PXDNL: variants seen among roughly 807,000 people sequenced by gnomAD.
PXDNL encodes the protein peroxidasin like.
Under a neutral mutation model 150.8 loss-of-function variants are expected in PXDNL, and 145 were observed. That is an observed-to-expected ratio of 0.96 (90% CI 0.84 to 1.10). The LOEUF is 1.10. Ranked by LOEUF, PXDNL falls within the 50% of genes least tolerant of loss-of-function variation. The pLI is 0.00. For missense variants in PXDNL, 2,087 were observed against 1,873.9 expected (o/e 1.11, Z -2.10); for synonymous variants, 757 against 725.7 (o/e 1.04, Z -0.69).
chr8:51,561,110 G>A (rs1812706943), intron 3 of PXDNL, among the ~76,000 whole-genome samples: 1 of 151,836 alleles, frequency 6.6e-6, no homozygotes. Flanking sequence ...GACAAAATAA[G>A]CATTTGTGAG....
chr8:51,338,021 A>T (rs1250585119), intron 21 of PXDNL, among the ~76,000 whole-genome samples: 1 of 151,894 alleles, frequency 6.6e-6, no homozygotes, highest in Non-Finnish European at 1.5e-5. Flanking sequence ...TCTACTAAAA[A>T]TACAAAAATT....
At chr8:51,798,517 G>A (rs980641986) in intron 1 of PXDNL, among the ~76,000 whole-genome samples, 12 of 152,118 alleles carry the variant, frequency 7.9e-5, no homozygotes, top group African/African-American at 2.7e-4. Context: ...ATTAAAACCT[G>A]GGCAAAGGAC....
chr8:51,499,830 G>A (rs2130288152), intron 4 of PXDNL, 60 bp from the exon 5 acceptor site: 7 of 1,129,238 alleles, frequency 6.2e-6, no homozygotes, highest in South Asian at 1.3e-5. Context: ...TAAAATGTTT[G>A]AAGAATTAGC....
At chr8:51,386,824 G>GAA (rs561391223) in intron 17 of PXDNL, among the ~76,000 whole-genome samples, 4 of 134,366 alleles carry the variant, frequency 3.0e-5, no homozygotes, top group African/African-American at 8.1e-5. Flanking sequence ...ACTTCATCTT[G>GAA]AAAAAAAAAA....
intron 1 of PXDNL, among the ~76,000 whole-genome samples, chr8:51,788,657 A>G (rs1385822215): frequency 1.3e-5 from 2 of 152,206 alleles, no homozygotes; most frequent in African/African-American, 2.4e-5. Context: ...ATAGGGAGTT[A>G]GTCGAACCAG....
At chr8:51,587,452 C>G (rs1473726738) in intron 3 of PXDNL, among the ~76,000 whole-genome samples, 2 of 152,070 alleles carry the variant, frequency 1.3e-5, no homozygotes, top group Non-Finnish European at 2.9e-5. Context: ...CCAAGGGGAT[C>G]AGAGATACAT....
At chr8:51,467,907 TC>T (rs1254672423) in intron 8 of PXDNL, among the ~76,000 whole-genome samples, 1 of 152,094 alleles carries the variant, frequency 6.6e-6, no homozygotes, top group African/African-American at 2.4e-5. Context: ...ATTCAATTAT[TC>T]TAAAACTACT....
At chr8:51,540,216 C>A (rs938772863) in intron 4 of PXDNL, among the ~76,000 whole-genome samples, 4 of 152,044 alleles carry the variant, frequency 2.6e-5, no homozygotes, top group African/African-American at 9.7e-5. Context: ...TCTCTGGTTT[C>A]TCTCTCTATG....
chr8:51,691,008 G>T (rs1815985019), intron 1 of PXDNL, among the ~76,000 whole-genome samples: 1 of 152,122 alleles, frequency 6.6e-6, no homozygotes, highest in South Asian at 2.1e-4. Context: ...CCCACTTTTT[G>T]ATGGGGTTGT....
chr8:51,715,194 A>G (rs992662939), intron 1 of PXDNL, among the ~76,000 whole-genome samples: 1 of 152,246 alleles, frequency 6.6e-6, no homozygotes, highest in Non-Finnish European at 1.5e-5. Flanking sequence ...TAAGTGAAGG[A>G]CTTGAATAGA....
intron 4 of PXDNL, among the ~76,000 whole-genome samples, chr8:51,503,039 A>G (rs1811220018): frequency 6.6e-6 from 1 of 152,188 alleles, no homozygotes; most frequent in Non-Finnish European, 1.5e-5. Context: ...AATTGCTCAT[A>G]ATTCATGAGA....
chr8:51,627,260 T>G (rs966174332), intron 2 of PXDNL, among the ~76,000 whole-genome samples: 2 of 152,154 alleles, frequency 1.3e-5, no homozygotes, highest in Admixed American at 6.6e-5. Context: ...GTTAAAGAGA[T>G]AAAATTCAGA....
intron 1 of PXDNL, among the ~76,000 whole-genome samples, chr8:51,794,847 T>C (rs900918156): frequency 6.6e-6 from 1 of 152,116 alleles, no homozygotes; most frequent in African/African-American, 2.4e-5. Context: ...ATTGTCCCAA[T>C]TAAAAGACAC....
At chr8:51,570,304 A>G (rs1170850383) in intron 3 of PXDNL, among the ~76,000 whole-genome samples, 1 of 151,840 alleles carries the variant, frequency 6.6e-6, no homozygotes. Context: ...GGAGAGGCCC[A>G]CCCATCCGGA....
At chr8:51,683,943 C>T (rs1036357016) in intron 1 of PXDNL, among the ~76,000 whole-genome samples, 2 of 152,084 alleles carry the variant, frequency 1.3e-5, no homozygotes, top group African/African-American at 2.4e-5. Context: ...TGCCCCTTTC[C>T]CTCCCACCCA....
chr8:51,504,868 A>G (rs1811253518), intron 4 of PXDNL, among the ~76,000 whole-genome samples: 4 of 152,356 alleles, frequency 2.6e-5, no homozygotes, highest in Admixed American at 2.0e-4. Context: ...AAAAGATGGG[A>G]GTATGAATCC....
At chr8:51,794,909 G>C (rs1271415019) in intron 1 of PXDNL, among the ~76,000 whole-genome samples, 3 of 152,160 alleles carry the variant, frequency 2.0e-5, no homozygotes, top group African/African-American at 7.2e-5. Flanking sequence ...GTATTCAAGA[G>C]ACTCATCTCG....
In PXDNL at chr8:51,671,032, T is replaced by C. The variant is rs569017495; in HGVS notation, c.165-16272A>G. Among the ~76,000 whole-genome samples, 5 of 152,256 alleles carry C rather than the reference T, an allele frequency of 3.3e-5. No homozygotes were observed. In the East Asian group the frequency reaches 7.7e-4, roughly 23 times the overall value. On this transcript the variant is annotated intron_variant, in intron 1 of 22. Coordinates refer to ENST00000356297, the MANE Select transcript of PXDNL (RefSeq NM_144651.5). ...GAAAAATAAGACTTTAAACCAAGTA[T>C]TGGGTTCAAAGAATATGCAAAATCT...
chr8:51,728,251 G>A (rs1010354285), intron 1 of PXDNL, among the ~76,000 whole-genome samples: 1 of 152,190 alleles, frequency 6.6e-6, no homozygotes, highest in Non-Finnish European at 1.5e-5. Flanking sequence ...ATACAGTTAT[G>A]TATAGTATAT....
Sources: allele counts gnomAD v4.1 joint callset (sites outside exome capture counted in the v4.1 genomes callset), GRCh38; gene constraint gnomAD v4.1.1; transcripts MANE v1.5; gene names NCBI Gene and HGNC (gene_info 2026-07-23, HGNC 2026-07-21).